ZNF236: variants seen among roughly 807,000 people sequenced by gnomAD.
ZNF236 encodes regulated by glucose.
Under a neutral mutation model 191.2 loss-of-function variants are expected in ZNF236, and 50 were observed. That is an observed-to-expected ratio of 0.26 (90% CI 0.21 to 0.33). ZNF236 has a LOEUF of 0.33. Among genes scored for constraint, ZNF236 ranks in the 10% least tolerant of loss-of-function variants. ZNF236 has a pLI of 1.00. For synonymous variants in ZNF236, 907 were observed against 928.8 expected (o/e 0.98, Z 0.43); for missense variants, 1,754 against 2,374.5 (o/e 0.74, Z 5.43).
intron 3 of ZNF236, among the ~76,000 whole-genome samples, chr18:76,853,590 G>A (rs1372354459): frequency 6.6e-6 from 1 of 152,128 alleles, no homozygotes; most frequent in Non-Finnish European, 1.5e-5. Flanking sequence ...GTTACCAGAG[G>A]CTGGGGGATA....
At chr18:76,920,848 A>G (rs930119030) in intron 20 of ZNF236, among the ~76,000 whole-genome samples, 30 of 152,314 alleles carry the variant, frequency 2.0e-4, no homozygotes, top group African/African-American at 7.2e-4. Flanking sequence ...ACCAAGACCC[A>G]TGGTAAAGAA....
Position 76,919,670 on chromosome 18 carries a change from G to A in ZNF236, c.3275-106G>A, listed in dbSNP as rs1599394216. ...ACCATCATAAAAATAGCTTGGTTGA[G>A]TTATTAATTTTCATTACATACATAC... On this transcript the variant is annotated intron_variant, in intron 19 of 30. Transcript: ENST00000320610. This position sits in a 1 kb window ranked among gnomAD's most constrained non-coding sequence, Gnocchi z 5.3. 1.1e-5 allele frequency: 14 copies of A among 1,323,140 alleles called. No homozygotes were observed. The highest frequency in any genetic ancestry group is 1.5e-5 in the African/African-American group (1 of 67,904). The allele number at this position is 1,323,140 out of a possible 1,614,324, so 82.0% of individuals were successfully genotyped here.
At chr18:76,949,195 AC>A (rs2122924911) in intron 27 of ZNF236, among the ~76,000 whole-genome samples, 1 of 152,322 alleles carries the variant, frequency 6.6e-6, no homozygotes, top group East Asian at 1.9e-4. Context: ...TCCAAGGCAC[AC>A]CTTACCTAAT....
rs1451029127 is a variant in ZNF236 at position 76,919,935 on chromosome 18, C to T, written c.3434C>T (p.Ala1145Val). The T allele has an allele frequency of 2.5e-6, 4 of 1,614,144 alleles. No homozygotes were observed. The highest frequency in any genetic ancestry group is 2.2e-5 in the South Asian group (2 of 91,072). Reference protein sequence around the residue: ...TVSEKVLVQSAAEKDRISELR... With the variant: ...TVSEKVLVQSVAEKDRISELR... ...TCAGAGAAGGTCCTGGTGCAGTCCG[C>T]GGCAGAAAAGGACCGCATCAGTGAG... Residue 1145 changes from alanine to valine, a missense_variant, in exon 20 of 31, where the codon GCG becomes GTG. Physicochemically the swap from Ala to Val is moderately conservative, Grantham distance 64. Around this residue, in one of 5 missense-constraint regions of ZNF236, gnomAD observed 641 missense variants for 869.6 expected, o/e 0.74. Transcript: ENST00000320610. This position sits in a 1 kb window ranked among gnomAD's most constrained non-coding sequence, Gnocchi z 5.3.
At chr18:76,896,717 G>T (rs1388976334) in intron 10 of ZNF236, among the ~76,000 whole-genome samples, 1 of 151,374 alleles carries the variant, frequency 6.6e-6, no homozygotes. Flanking sequence ...CACAGGCACT[G>T]CCCACAGGGA....
rs1209335248 is a variant in ZNF236 at position 76,895,033 on chromosome 18, G to A, written c.1438G>A (p.Gly480Ser). 1.9e-6 allele frequency: 3 copies of A among 1,610,146 alleles called. No homozygotes were observed. The highest frequency in any genetic ancestry group is 1.1e-5 in the South Asian group (1 of 91,076). The change falls in exon 10 of 31, where the codon GGC (glycine) becomes AGC (serine). Residue 480 changes from glycine to serine, a missense_variant. Gly to Ser is a moderately conservative substitution (Grantham distance 56, BLOSUM62 0). Transcript: ENST00000320610. ...CACAGGCTCCATCCGCGAGGAGAAC[G>A]GCGTGCGCTGGCATGTGTGTCCCTA... ...FLPGSIREEN[G>S]VRWHVCPYCA...
In ZNF236 at chr18:76,878,014, G is replaced by T. The variant is rs1359397758; in HGVS notation, c.846G>T (p.Lys282Asn). The change falls in exon 7 of 31, where the codon AAG (lysine) becomes AAT (asparagine). Residue 282 changes from lysine to asparagine, a missense_variant. Physicochemically the swap from Lys to Asn is moderately conservative, Grantham distance 94 (BLOSUM62 0). Around this residue, in one of 5 missense-constraint regions of ZNF236, gnomAD observed 336 missense variants for 495.1 expected, o/e 0.68. Coordinates refer to ENST00000320610, the MANE Select transcript of ZNF236 (RefSeq NM_001306089.2). ...SHVQRVHSEV[K>N]NGPTYNCTEC... ...TTTCCTTTTTATTCTTTAAGGTCAA[G>T]AATGGTCCTACCTATAACTGTACAG... The T allele has an allele frequency of 1.9e-6, 3 of 1,579,648 alleles. No individual in the cohort carries two copies. Among genetic ancestry groups the T allele is most frequent in the Non-Finnish European group, 2.6e-6 (3 of 1,161,518 alleles).
At chr18:76,877,254 A>G (rs1186094601) in intron 6 of ZNF236, among the ~76,000 whole-genome samples, 3 of 152,224 alleles carry the variant, frequency 2.0e-5, no homozygotes, top group Non-Finnish European at 4.4e-5. Context: ...CACGTCTGTA[A>G]TCCCAGCACT....
At chr18:76,843,637 A>G (rs12457906) in intron 1 of ZNF236, among the ~76,000 whole-genome samples, 66,796 of 150,912 alleles carry the variant, frequency 0.44, 15,025 homozygotes, top group East Asian at 0.53. Flanking sequence ...TTAGCCCGGC[A>G]TGGTGGCGTG....
rs1248224771 is a variant in ZNF236 at position 76,878,128 on chromosome 18, T to C, written c.960T>C (p.Ser320=). 1.9e-6 allele frequency: 3 copies of C among 1,611,396 alleles called. No individual in the cohort carries two copies. In the African/African-American group the frequency reaches 4.0e-5, roughly 22 times the overall value. Residue 320 remains serine (S), a synonymous_variant, in exon 7 of 31, where the codon TCT becomes TCC. Coordinates refer to ENST00000320610, the MANE Select transcript of ZNF236 (RefSeq NM_001306089.2). ...HMGGPQNSTS[S]TETAHVLTAT... ...GTGGGCCACAGAATTCAACAAGTTC[T>C]ACAGAGACTGCTCATGTTTTAACGG...
At chr18:76,909,846 T>C (rs1441800635) in intron 14 of ZNF236, among the ~76,000 whole-genome samples, 1 of 152,224 alleles carries the variant, frequency 6.6e-6, no homozygotes, top group Non-Finnish European at 1.5e-5. Context: ...TGGAACAATG[T>C]CTGAGTTTTC....
chr18:76,943,095 C>T (rs1051344100), intron 26 of ZNF236, among the ~76,000 whole-genome samples: 1 of 140,016 alleles, frequency 7.1e-6, no homozygotes, highest in African/African-American at 2.7e-5. Flanking sequence ...TGCACTCCAG[C>T]CTGGGCGACA....
chr18:76,927,830 A>T lies in ZNF236; in HGVS notation c.4415-97A>T. On this transcript the variant is annotated intron_variant, in intron 24 of 30. Transcript: ENST00000320610. This position sits in a 1 kb window ranked among gnomAD's most constrained non-coding sequence, Gnocchi z 5.4. ...TTTTAAATCTTTGTCTTATTGAAAT[A>T]TGTAATAACAGTTTAATTAAAATAT... is the stretch of plus-strand genomic sequence containing the variant. 1.1e-6 allele frequency: 1 copy of T among 940,632 alleles called. No homozygotes were observed. The highest frequency in any genetic ancestry group is 1.5e-6 in the Non-Finnish European group (1 of 656,060). The allele number at this position is 940,632 out of a possible 1,614,324, so 58.3% of individuals were successfully genotyped here.
chr18:76,949,410 T>C (rs1318010581), intron 27 of ZNF236, among the ~76,000 whole-genome samples: 1 of 152,202 alleles, frequency 6.6e-6, no homozygotes, highest in African/African-American at 2.4e-5. Flanking sequence ...AACCAAATAT[T>C]AAAACTTGGT....
chr18:76,913,705 T>A (rs1354843267), intron 17 of ZNF236, 42 bp from the exon 18 acceptor site: 16 of 1,595,206 alleles, frequency 1.0e-5, no homozygotes, highest in Middle Eastern at 3.4e-4. Context: ...GTAATTGTGC[T>A]ATGAATTAAC....
intron 30 of ZNF236, among the ~76,000 whole-genome samples, chr18:76,963,095 AG>A (rs1968700470): frequency 6.6e-6 from 1 of 152,192 alleles, no homozygotes. Context: ...TGCTCTGGCT[AG>A]GACTGCCACT....
intron 1 of ZNF236, among the ~76,000 whole-genome samples, chr18:76,826,492 C>G (rs1008752449): frequency 3.3e-5 from 5 of 151,568 alleles, no homozygotes; most frequent in Non-Finnish European, 7.4e-5. Flanking sequence ...CCATTTGTGT[C>G]CAAAGCATGC....
At chr18:76,941,995 C>A (rs1483654859) in intron 26 of ZNF236, among the ~76,000 whole-genome samples, 1 of 152,076 alleles carries the variant, frequency 6.6e-6, no homozygotes, top group Admixed American at 6.6e-5. Flanking sequence ...ATAAAACCAC[C>A]ATTTTATTGT....
chr18:76,939,158 C>A (rs191510471), intron 26 of ZNF236, among the ~76,000 whole-genome samples: 4 of 152,188 alleles, frequency 2.6e-5, no homozygotes, highest in Non-Finnish European at 4.4e-5. Context: ...CATGGGGAAA[C>A]TCCGTCGCTA....
Sources: gnomAD v4.1 joint callset for allele counts (sites outside exome capture counted in the v4.1 genomes callset) on GRCh38, gnomAD v4.1.1 for gene constraint, gnomAD v4.1.1 regional missense constraint, Gnocchi (gnomAD v3.1) non-coding constraint, MANE v1.5 for transcripts, NCBI Gene and HGNC (gene_info 2026-07-23, HGNC 2026-07-21) for gene names.